Variants in USP34 observed in about 807,000 individuals in gnomAD.
The protein encoded by USP34 is ubiquitin specific peptidase 34, also known as ubiquitin carboxyl-terminal hydrolase 34.
In USP34, 70 loss-of-function variants were observed where a neutral mutation model predicts 460.3. The observed-to-expected ratio is 0.15, with a 90% CI of 0.13 to 0.19. The LOEUF (loss-of-function observed/expected upper bound fraction) is 0.19, where lower values mean the gene tolerates loss of function less well. Ranked by LOEUF, USP34 falls within the 10% of genes least tolerant of loss-of-function variation. The probability of loss-of-function intolerance (pLI) is 1.00; values close to 1 mark genes in which losing one functional copy is unlikely to be tolerated. For missense variants in USP34, 3,985 were observed against 4,236.2 expected (o/e 0.94, Z 1.65); for synonymous variants, 1,647 against 1,405.3 (o/e 1.17, Z -3.85).
At chr2:61,190,020 G>T in intron 78 of USP34, 1 of 369,170 alleles carries the variant, frequency 2.7e-6, no homozygotes, top group Non-Finnish European at 4.8e-6. Flanking sequence ...CTAGAGATAA[G>T]ACCACTAAGA....
intron 1 of USP34, among the ~76,000 whole-genome samples, chr2:61,464,796 T>C (rs533326639): frequency 4.8e-5 from 7 of 144,410 alleles, no homozygotes; most frequent in Admixed American, 3.5e-4. Context: ...ACGAGGTAAA[T>C]AACCTCAGTT....
intron 21 of USP34, among the ~76,000 whole-genome samples, chr2:61,324,295 T>C (rs1691018415): frequency 6.6e-6 from 1 of 152,246 alleles, no homozygotes; most frequent in Admixed American, 6.5e-5. Context: ...GACCAAGCTC[T>C]ACTTTTAAAA....
At chr2:61,461,413 C>T (rs997360086) in intron 1 of USP34, among the ~76,000 whole-genome samples, 2 of 151,038 alleles carry the variant, frequency 1.3e-5, no homozygotes, top group Admixed American at 1.3e-4. Context: ...AAAAAAAAAA[C>T]CCAAAACACT....
chr2:61,342,361 C>T (rs555424558), intron 16 of USP34, among the ~76,000 whole-genome samples: 2 of 130,272 alleles, frequency 1.5e-5, no homozygotes, highest in African/African-American at 2.9e-5. Context: ...AGTGCAGTGG[C>T]GTGATCTCGG....
chr2:61,193,854 T>C (rs548515473), intron 75 of USP34, among the ~76,000 whole-genome samples: 8 of 152,356 alleles, frequency 5.3e-5, no homozygotes, highest in African/African-American at 1.9e-4. Context: ...TTTGTGGCCA[T>C]GCTCTGTTAA....
chr2:61,221,037 A>G (rs1283558121), intron 66 of USP34, among the ~76,000 whole-genome samples: 1 of 152,228 alleles, frequency 6.6e-6, no homozygotes, highest in African/African-American at 2.4e-5. Context: ...AGTAGTTTCA[A>G]CAGACACTGT....
intron 10 of USP34, among the ~76,000 whole-genome samples, chr2:61,364,244 C>T (rs1298847142): frequency 1.4e-4 from 21 of 152,114 alleles, no homozygotes. Context: ...ATGCTTTAGT[C>T]CCAGCTACTC....
At chr2:61,341,994 C>T (rs1691618151) in intron 16 of USP34, among the ~76,000 whole-genome samples, 1 of 151,964 alleles carries the variant, frequency 6.6e-6, no homozygotes, top group Non-Finnish European at 1.5e-5. Flanking sequence ...AGATGCTGAC[C>T]TCAGATGATC....
At chr2:61,280,389 A>G (rs1689498508) in intron 38 of USP34, 41 bp from the exon 39 acceptor site, 4 of 997,278 alleles carry the variant, frequency 4.0e-6, no homozygotes, top group Non-Finnish European at 5.6e-6. Context: ...CATTTTAAAA[A>G]TAAATAAAAT....
At chr2:61,333,806 G>A (rs1485660038) in intron 19 of USP34, 76 bp downstream of exon 19, 2 of 1,002,094 alleles carry the variant, frequency 2.0e-6, no homozygotes, top group Middle Eastern at 3.4e-4. Flanking sequence ...AAGCTTGTAG[G>A]TTAGTCAAAA....
intron 15 of USP34, among the ~76,000 whole-genome samples, chr2:61,344,234 T>C (rs1169996356): frequency 6.6e-6 from 1 of 152,208 alleles, no homozygotes; most frequent in Non-Finnish European, 1.5e-5. Flanking sequence ...TATACAGTCA[T>C]ATTACCAGGC....
intron 39 of USP34, 22 bp downstream of exon 39, chr2:61,280,222 G>C (rs1463693415): frequency 1.2e-5 from 15 of 1,300,764 alleles, no homozygotes; most frequent in Non-Finnish European, 1.5e-5. Flanking sequence ...ACATAGAATA[G>C]TATATAATTT....
At chr2:61,222,867 T>C (rs754286163) in intron 64 of USP34, 193 bp downstream of exon 64, 308 of 686,124 alleles carry the variant, frequency 4.5e-4, no homozygotes, top group Non-Finnish European at 7.0e-4. Flanking sequence ...GGCTAGATTT[T>C]TCTATTTTGT....
Position 61,301,038 on chromosome 2 carries a change from C to G in USP34, c.4041G>C (p.Glu1347Asp). The G allele has an allele frequency of 2.5e-6, 4 of 1,613,870 alleles. No homozygotes were observed. The highest frequency in any genetic ancestry group is 3.4e-6 in the Non-Finnish European group (4 of 1,179,960). ...DNIPMLLLLQ[E>D]PHLTTLFDLL... ...AATCAAAAAGAGTAGTTAAATGAGG[C>G]TCTTGTAAAAGCAAAAGCATTGGAA... Residue 1347 changes from glutamate (E) to aspartate (D), a missense_variant, in exon 29 of 80, where the codon GAG becomes GAC. This residue lies in a region of USP34 where 1,114 missense variants were observed against 1,122.5 expected (regional missense o/e 0.99). Coordinates refer to ENST00000398571, the MANE Select transcript of USP34 (RefSeq NM_014709.4).
In USP34 at chr2:61,187,783, G is replaced by A. The variant is rs1572816478; in HGVS notation, c.*319C>T. 1.4e-6 allele frequency: 1 copy of A among 738,074 alleles called. No homozygotes were observed. Among genetic ancestry groups the A allele is most frequent in the South Asian group, 4.8e-5 (1 of 20,918 alleles). 45.7% of individuals were successfully genotyped at this position (738,074 alleles called of 1,614,324 possible). A position where few individuals can be genotyped will look rare whatever the true frequency, so the allele number is the denominator to read the frequency against. ...CCATATCATACACAGTAAAAATGCT[G>A]TAAGTTTAAATTACATTGTACAGGG... On this transcript the variant is annotated 3_prime_UTR_variant, in exon 80 of 80. Coordinates refer to ENST00000398571, the MANE Select transcript of USP34 (RefSeq NM_014709.4).
At chr2:61,254,165 G>T (rs1688660766) in intron 48 of USP34, among the ~76,000 whole-genome samples, 1 of 152,150 alleles carries the variant, frequency 6.6e-6, no homozygotes, top group Non-Finnish European at 1.5e-5. Context: ...CTTTTATTCA[G>T]CTGTCATTGT....
intron 27 of USP34, among the ~76,000 whole-genome samples, chr2:61,301,984 A>G (rs996319296): frequency 4.6e-5 from 7 of 152,214 alleles, no homozygotes; most frequent in African/African-American, 1.4e-4. Flanking sequence ...GAAAGAAAGA[A>G]AGAAAGAAAA....
intron 57 of USP34, among the ~76,000 whole-genome samples, chr2:61,234,945 T>C (rs537097509): frequency 5.9e-5 from 9 of 152,236 alleles, no homozygotes; most frequent in African/African-American, 1.9e-4. Flanking sequence ...CCCAAGTTTC[T>C]GTTTTAAATA....
rs535476775 is a variant in USP34, at chr2:61,246,499, G to A, written c.6395-22C>T. The A allele has an allele frequency of 3.4e-6, 5 of 1,458,222 alleles. No individual in the cohort carries two copies. In the East Asian group the frequency reaches 7.4e-5, roughly 22 times the overall value. The allele number at this position is 1,458,222 out of a possible 1,614,324, so 90.3% of individuals were successfully genotyped here. A position where few individuals can be genotyped will look rare whatever the true frequency, so the allele number is the denominator to read the frequency against. ...AAACCTGAAATGATTTACACAGAATGGAAATAATTTTCCAAACTTCACAAC... is the reference window on the plus strand; with the variant it reads ...AAACCTGAAATGATTTACACAGAATAGAAATAATTTTCCAAACTTCACAAC... On this transcript the variant is annotated intron_variant, in intron 49 of 79. Transcript: ENST00000398571.
Sources: gnomAD v4.1 joint callset for allele counts (sites outside exome capture counted in the v4.1 genomes callset) on GRCh38, gnomAD v4.1.1 for gene constraint, gnomAD v4.1.1 regional missense constraint, MANE v1.5 for transcripts, NCBI Gene and HGNC (gene_info 2026-07-23, HGNC 2026-07-21) for gene names.